Variants in GUSB observed in about 807,000 individuals in gnomAD.
The protein encoded by GUSB is beta-glucuronidase.
In GUSB, 51 loss-of-function variants were observed where a neutral mutation model predicts 74.6. That is an observed-to-expected ratio of 0.68 (90% CI 0.55 to 0.86). The LOEUF (loss-of-function observed/expected upper bound fraction) is 0.86, where lower values mean the gene tolerates loss of function less well. Among genes scored for constraint, GUSB ranks in the 40% least tolerant of loss-of-function variants. The pLI is 0.00. For synonymous variants in GUSB, 360 were observed against 348.3 expected, an observed-to-expected ratio of 1.03 and a Z score of -0.37; for missense variants, 736 against 853.7, an observed-to-expected ratio of 0.86 and a Z score of 1.72.
At chr7:65,961,194 G>A (rs111519653) in intron 11 of GUSB, 131 bp from the exon 12 acceptor site, 4 of 887,646 alleles carry the variant, frequency 4.5e-6, no homozygotes, top group African/African-American at 1.7e-5. Context: ...TGTTGCCCAG[G>A]CTGGAATGCG....
chr7:65,973,853 C>G (rs1279694004), intron 8 of GUSB, among the ~76,000 whole-genome samples: 4 of 152,026 alleles, frequency 2.6e-5, no homozygotes, highest in African/African-American at 9.7e-5. Context: ...ATCACCTGAG[C>G]CTGGGAAGTC....
chr7:65,975,842 C>T lies in GUSB; in HGVS notation c.912+173G>A, dbSNP rs1313454294. 1.4e-5 allele frequency: 8 copies of T among 561,566 alleles called. No homozygotes were observed. The East Asian group carries it at 2.1e-4, about 15-fold the overall frequency. 34.8% of individuals were successfully genotyped at this position (561,566 alleles called of 1,614,324 possible). A position where few individuals can be genotyped will look rare whatever the true frequency, so the allele number is the denominator to read the frequency against. On this transcript the variant is annotated intron_variant, in intron 5 of 11. Transcript: ENST00000304895. The stretch of plus-strand genomic sequence containing the variant: ...CTCCAGCCTGGGTGACAGAGTGAGA[C>T]CATCTCAAAAAAAAAAAAAAAAAAG...
At chr7:65,975,542 G>T in intron 5 of GUSB, 1 of 238,672 alleles carries the variant, frequency 4.2e-6, no homozygotes. Context: ...TCGCCACCAT[G>T]CCCAGCAAAT....
intron 9 of GUSB, among the ~76,000 whole-genome samples, chr7:65,969,075 A>G (rs1791031575): frequency 6.6e-6 from 1 of 152,166 alleles, no homozygotes; most frequent in Non-Finnish European, 1.5e-5. Context: ...CGTCCTGAAC[A>G]CATTTCTTTC....
Position 65,960,957 on chromosome 7 carries a change from T to C in GUSB, c.1896A>G (p.Glu632=), listed in dbSNP as rs1249207867. The part of the protein sequence containing the change: ...LRERYWKIAN[E]TRYPHSVAKS... ...TGGCTACTGAGTGGGGATACCTGGT[T>C]TCATTGGCAATCTTCCAGTATCTCT... Residue 632 remains glutamate, a synonymous_variant, in exon 12 of 12, where the codon GAA becomes GAG. Transcript: ENST00000304895. The C allele has an allele frequency of 1.9e-6, 3 of 1,613,990 alleles. No individual in the cohort carries two copies. Among genetic ancestry groups the C allele is most frequent in the East Asian group, 4.5e-5 (2 of 44,866 alleles).
chr7:65,974,877 A>T (rs1347907910), intron 6 of GUSB, 42 bp downstream of exon 6: 6 of 1,605,934 alleles, frequency 3.7e-6, no homozygotes, highest in Non-Finnish European at 5.1e-6. Flanking sequence ...GTGGAGGGTG[A>T]CCAGAAGCAG....
chr7:65,980,206 G>T lies in GUSB; in HGVS notation c.396+18C>A. ...CCGTGCCCCCCCACCCGCCCTGCCT[G>T]CTCCTGGCCGCACTGACCACGATGG... On this transcript the variant is annotated intron_variant, in intron 2 of 11. Transcript: ENST00000304895. 3.3e-6 allele frequency: 1 copy of T among 306,528 alleles called. No homozygotes were observed. The highest frequency in any genetic ancestry group is 6.1e-6 in the Non-Finnish European group (1 of 163,600). 19.0% of individuals were successfully genotyped at this position (306,528 alleles called of 1,614,324 possible). A position where few individuals can be genotyped will look rare whatever the true frequency, so the allele number is the denominator to read the frequency against.
At position 65,967,592 on chromosome 7, in the gene GUSB, GA is replaced by G; in HGVS notation, c.1653+138del. ...ACAGGCCTGGCTGTTGGCGGTGAGGGAACGTGGACGGGGCCGTGGGAGGAGA... is the reference window on the plus strand; with the variant it reads ...ACAGGCCTGGCTGTTGGCGGTGAGGGACGTGGACGGGGCCGTGGGAGGAGA... On this transcript the variant is annotated intron_variant, in intron 10 of 11. Transcript: ENST00000304895. 4 of 756,966 alleles carry G rather than the reference GA, an allele frequency of 5.3e-6. No homozygotes were observed. In the South Asian group the frequency reaches 5.6e-5, roughly 11 times the overall value. The allele number at this position is 756,966 out of a possible 1,614,324, so 46.9% of individuals were successfully genotyped here. A position where few individuals can be genotyped will look rare whatever the true frequency, so the allele number is the denominator to read the frequency against.
intron 4 of GUSB, among the ~76,000 whole-genome samples, 193 bp downstream of exon 4, chr7:65,979,206 G>A (rs1004753540): frequency 1.3e-5 from 2 of 152,140 alleles, no homozygotes; most frequent in East Asian, 1.9e-4. Context: ...TTCTCCTAGC[G>A]AGGTCAACCA....
intron 11 of GUSB, among the ~76,000 whole-genome samples, chr7:65,963,606 T>C (rs1790644277): frequency 6.6e-6 from 1 of 152,100 alleles, no homozygotes; most frequent in South Asian, 2.1e-4. Context: ...TGTGCAGTGG[T>C]GCAATCATAG....
In GUSB at chr7:65,980,233, A is replaced by C; in HGVS notation, c.387T>G (p.Tyr129Ter). Reference sequence around the variant, plus strand: ...TCCTGGCCGCACTGACCACGATGGCATAGGAATGGGCACTGCCAATCCTCA... The same window carrying C: ...TCCTGGCCGCACTGACCACGATGGCCTAGGAATGGGCACTGCCAATCCTCA... Reference protein sequence around the residue: ...VVLRIGSAHSYAIVWVNGVDT... With the variant: ...VVLRIGSAHS Residue 129 changes from tyrosine (Y) to a stop codon, truncating the protein, a stop_gained, in exon 2 of 12, where the codon TAT becomes TAG. Coordinates refer to ENST00000304895, the MANE Select transcript of GUSB (RefSeq NM_000181.4). LOFTEE classifies it high-confidence loss of function. 7 of 1,346,966 alleles carry C rather than the reference A, an allele frequency of 5.2e-6. No homozygotes were observed. The highest frequency in any genetic ancestry group is 4.0e-6 in the Non-Finnish European group (4 of 1,011,386). The allele number at this position is 1,346,966 out of a possible 1,614,324, so 83.4% of individuals were successfully genotyped here.
intron 4 of GUSB, among the ~76,000 whole-genome samples, chr7:65,977,298 T>C (rs917508500): frequency 6.6e-6 from 1 of 152,080 alleles, no homozygotes; most frequent in Non-Finnish European, 1.5e-5. Context: ...CATCTCAACC[T>C]CCTGAGTAGC....
chr7:65,978,489 TG>T (rs1265251807), intron 4 of GUSB, among the ~76,000 whole-genome samples: 2 of 151,424 alleles, frequency 1.3e-5, no homozygotes, highest in Non-Finnish European at 1.5e-5. Context: ...GTATCCCAGC[TG>T]GGCACAGTGG....
chr7:65,964,914 C>T (rs1250057161), intron 10 of GUSB, among the ~76,000 whole-genome samples: 6 of 150,858 alleles, frequency 4.0e-5, no homozygotes, highest in African/African-American at 9.8e-5. Flanking sequence ...ACAAAAAGTA[C>T]AAAAATTAGC....
chr7:65,978,317 A>G (rs1421470943), intron 4 of GUSB, among the ~76,000 whole-genome samples: 1 of 152,002 alleles, frequency 6.6e-6, no homozygotes, highest in African/African-American at 2.4e-5. Flanking sequence ...ACGTGGTGGC[A>G]CACGCCTGTA....
chr7:65,961,915 TC>T (rs1335718325), intron 11 of GUSB, among the ~76,000 whole-genome samples: 3 of 151,422 alleles, frequency 2.0e-5, no homozygotes, highest in Admixed American at 6.6e-5. Context: ...GGCAGGAGAA[TC>T]GCTTGAACCC....
In GUSB at chr7:65,960,837, C is replaced by T. The variant is rs1790434264; in HGVS notation, c.*60G>A. Reference sequence around the variant, plus strand: ...AACAGTCCAGGAGGCACTTGTTCTGCTGCTGTGGAAGTCGCCCTGACTCGG... The same window carrying T: ...AACAGTCCAGGAGGCACTTGTTCTGTTGCTGTGGAAGTCGCCCTGACTCGG... On this transcript the variant is annotated 3_prime_UTR_variant, in exon 12 of 12. Transcript: ENST00000304895. 2.1e-6 allele frequency: 3 copies of T among 1,429,080 alleles called. No individual in the cohort carries two copies. Among genetic ancestry groups the T allele is most frequent in the Non-Finnish European group, 3.0e-6 (3 of 1,011,740 alleles). 88.5% of individuals were successfully genotyped at this position (1,429,080 alleles called of 1,614,324 possible).
rs1791762493 is a variant in GUSB, at chr7:65,978,684, A to G, written c.724+715T>C. On this transcript the variant is annotated intron_variant, in intron 4 of 11. Coordinates refer to ENST00000304895, the MANE Select transcript of GUSB (RefSeq NM_000181.4). ...TTACTCGGGAGGCTGAGGCAGGAGA[A>G]TCGCTTGAACCCGGGAGGCAGAGGT... is the stretch of plus-strand genomic sequence containing the variant. Among the ~76,000 whole-genome samples, 4 of 150,722 alleles carry G rather than the reference A, an allele frequency of 2.7e-5. 1 individual carries two copies. Among genetic ancestry groups the G allele is most frequent in the African/African-American group, 9.8e-5 (4 of 40,942 alleles).
intron 9 of GUSB, 136 bp downstream of exon 9, chr7:65,970,146 C>T (rs1470438502): frequency 5.8e-6 from 4 of 686,244 alleles, no homozygotes; most frequent in Non-Finnish European, 8.0e-6. Context: ...CTGTCTCTAT[C>T]TTTTTAAGTA....
Sources: gnomAD v4.1 joint callset for allele counts (sites outside exome capture counted in the v4.1 genomes callset) on GRCh38, gnomAD v4.1.1 for gene constraint, MANE v1.5 for transcripts, NCBI Gene and HGNC (gene_info 2026-07-23, HGNC 2026-07-21) for gene names.